The following NRXN3 variants were observed in gnomAD, a reference collection of about 807,000 sequenced individuals.
NRXN3 encodes neurexin 3.
Under a neutral mutation model 137.6 loss-of-function variants are expected in NRXN3, and 32 were observed. That is an observed-to-expected ratio of 0.23 (90% CI 0.18 to 0.31). The LOEUF (loss-of-function observed/expected upper bound fraction) is 0.31, where lower values mean the gene tolerates loss of function less well. NRXN3 is among the 10% of genes least tolerant of loss of function. NRXN3 has a pLI of 1.00. For missense variants in NRXN3, 1,574 were observed against 2,062.5 expected (o/e 0.76, Z 4.59); for synonymous variants, 798 against 784.5 (o/e 1.02, Z -0.29).
At chr14:78,936,539 G>A (rs1210009606) in intron 10 of NRXN3, among the ~76,000 whole-genome samples, 1 of 152,186 alleles carries the variant, frequency 6.6e-6, no homozygotes, top group Non-Finnish European at 1.5e-5. Flanking sequence ...GGGAGAGGAA[G>A]GGAGTACAAA....
chr14:78,412,061 G>T (rs1358730966), intron 4 of NRXN3, among the ~76,000 whole-genome samples: 1 of 152,198 alleles, frequency 6.6e-6, no homozygotes, highest in African/African-American at 2.4e-5. Flanking sequence ...ATGGGTGTGA[G>T]ATTTAAACAA....
In NRXN3 at chr14:79,381,421, A is replaced by G. The variant is rs756950252; in HGVS notation, c.3263-85800A>G. 5.1e-4 allele frequency among the ~76,000 whole-genome samples: 77 copies of G among 152,064 alleles called. 1 individual carries two copies. Among genetic ancestry groups the G allele is most frequent in the Non-Finnish European group, 9.3e-4 (63 of 68,016 alleles). On this transcript the variant is annotated intron_variant, in intron 15 of 20. Transcript: ENST00000335750. ...ATCTCTGAAAGTTCTTGAATTCTCC[A>G]TTATCATCAGAATACCTGGCCCTTC... is the stretch of plus-strand genomic sequence containing the variant.
intron 4 of NRXN3, among the ~76,000 whole-genome samples, chr14:78,580,349 T>G (rs1051299528): frequency 6.6e-6 from 1 of 152,126 alleles, no homozygotes; most frequent in Non-Finnish European, 1.5e-5. Context: ...CTCAACTTAC[T>G]CCTTTCTTAC....
intron 15 of NRXN3, among the ~76,000 whole-genome samples, chr14:79,404,288 A>G (rs929417768): frequency 6.6e-6 from 1 of 152,210 alleles, no homozygotes; most frequent in African/African-American, 2.4e-5. Flanking sequence ...ATTTACAATA[A>G]TAATTCAAAT....
chr14:78,671,933 A>G (rs1351924830), intron 6 of NRXN3, among the ~76,000 whole-genome samples: 3 of 152,210 alleles, frequency 2.0e-5, no homozygotes, highest in Non-Finnish European at 2.9e-5. Flanking sequence ...AGTTTAAGGC[A>G]TTTGTTGAAT....
intron 20 of NRXN3, among the ~76,000 whole-genome samples, chr14:79,850,353 C>T (rs1377499545): frequency 6.6e-6 from 1 of 152,094 alleles, no homozygotes; most frequent in Non-Finnish European, 1.5e-5. Context: ...TGGGCCTCAC[C>T]TCTATACACT....
chr14:79,267,175 GA>G (rs1027622811), intron 15 of NRXN3, among the ~76,000 whole-genome samples: 9 of 151,976 alleles, frequency 5.9e-5, no homozygotes, highest in African/African-American at 2.2e-4. Context: ...TAAACATATA[GA>G]AAAACAAAAG....
chr14:79,682,659 C>A (rs1010602983), intron 17 of NRXN3, among the ~76,000 whole-genome samples: 3 of 152,056 alleles, frequency 2.0e-5, no homozygotes, highest in African/African-American at 7.2e-5. Flanking sequence ...GCTAGGAGTT[C>A]TTTTTCTAAT....
At chr14:79,740,714 A>T (rs1186944757) in intron 19 of NRXN3, among the ~76,000 whole-genome samples, 77 of 6,962 alleles carry the variant, frequency 0.011, 2 homozygotes, top group Non-Finnish European at 0.016. Context: ...TTAGTTTTTT[A>T]TATATATATA....
At chr14:79,282,287 A>G (rs190073644) in intron 15 of NRXN3, among the ~76,000 whole-genome samples, 44 of 152,332 alleles carry the variant, frequency 2.9e-4, no homozygotes, top group Non-Finnish European at 4.7e-4. Context: ...ACTAATAGCC[A>G]TAATTAAACA....
intron 15 of NRXN3, among the ~76,000 whole-genome samples, chr14:79,399,008 CA>C (rs34172134): frequency 5.3e-4 from 40 of 76,158 alleles, no homozygotes; most frequent in Admixed American, 1.6e-3. Flanking sequence ...GACTCCATCT[CA>C]AAAAAAAAAA....
intron 16 of NRXN3, among the ~76,000 whole-genome samples, chr14:79,553,924 G>A (rs190259544): frequency 6.6e-6 from 1 of 152,244 alleles, no homozygotes; most frequent in African/African-American, 2.4e-5. Context: ...CCACTGAGAT[G>A]TAAACATGTT....
intron 20 of NRXN3, among the ~76,000 whole-genome samples, chr14:79,840,260 T>TC (rs1183783655): frequency 6.6e-6 from 1 of 152,088 alleles, no homozygotes. Context: ...TTTGCATGAG[T>TC]CCCTTGGGGA....
chr14:78,689,425 T>C (rs926074281), intron 6 of NRXN3, among the ~76,000 whole-genome samples: 8 of 152,200 alleles, frequency 5.3e-5, no homozygotes, highest in Non-Finnish European at 1.0e-4. Flanking sequence ...CTTCTTGTTA[T>C]TTGAGTACTT....
At chr14:79,739,551 G>A (rs2098953368) in intron 19 of NRXN3, among the ~76,000 whole-genome samples, 2 of 147,470 alleles carry the variant, frequency 1.4e-5, no homozygotes, top group Non-Finnish European at 3.0e-5. Flanking sequence ...GGCTGAGGCA[G>A]GAGAATCACT....
intron 1 of NRXN3, among the ~76,000 whole-genome samples, chr14:78,223,284 G>T (rs1048787498): frequency 4.6e-5 from 7 of 152,140 alleles, no homozygotes; most frequent in African/African-American, 1.7e-4. Flanking sequence ...TCTAAAATGG[G>T]GAAAATAGTC....
At chr14:79,074,489 T>C (rs1235548642) in intron 15 of NRXN3, 1 of 152,208 alleles carries the variant, frequency 6.6e-6, no homozygotes, top group African/African-American at 2.4e-5. Flanking sequence ...TAGGGGTCTG[T>C]GTTTGTTCTT....
At chr14:79,735,957 T>C (rs1324664731) in intron 19 of NRXN3, among the ~76,000 whole-genome samples, 1 of 152,234 alleles carries the variant, frequency 6.6e-6, no homozygotes, top group Non-Finnish European at 1.5e-5. Context: ...TAAAATAATG[T>C]ACAAAATTAC....
chr14:79,384,434 C>G (rs1233081364), intron 15 of NRXN3, among the ~76,000 whole-genome samples: 1 of 152,106 alleles, frequency 6.6e-6, no homozygotes, highest in Admixed American at 6.6e-5. Context: ...GAAATCCACT[C>G]TTTCTAAATG....
Sources: allele counts gnomAD v4.1 joint callset (sites outside exome capture counted in the v4.1 genomes callset), GRCh38; gene constraint gnomAD v4.1.1; transcripts MANE v1.5; gene names NCBI Gene and HGNC (gene_info 2026-07-23, HGNC 2026-07-21).